ERAP1: variants seen among roughly 807,000 people sequenced by gnomAD.
ERAP1 encodes the protein adipocyte-derived leucine aminopeptidase.
Under a neutral mutation model 103.7 loss-of-function variants are expected in ERAP1, and 86 were observed. That is an observed-to-expected ratio of 0.83 (90% CI 0.70 to 0.99). The LOEUF (loss-of-function observed/expected upper bound fraction) is 0.99, where lower values mean the gene tolerates loss of function less well. Among genes scored for constraint, ERAP1 ranks in the 50% least tolerant of loss-of-function variants. The pLI is 0.00. For missense variants in ERAP1, 1,009 were observed against 1,128.4 expected (o/e 0.89, Z 1.52); for synonymous variants, 398 against 402.4 (o/e 0.99, Z 0.13).
the ERAP1 span, among the ~76,000 whole-genome samples, chr5:96,887,903 A>G: frequency 6.6e-6 from 1 of 152,154 alleles, no homozygotes; most frequent in Non-Finnish European, 1.5e-5. Context: ...AGGCTGGCAG[A>G]TCGCCTGAGG....
intron 15 of ERAP1, 148 bp from the exon 16 acceptor site, chr5:96,782,002 G>T: frequency 1.0e-5 from 7 of 685,076 alleles, no homozygotes; most frequent in Non-Finnish European, 1.7e-5. Context: ...ATTTCCTTCA[G>T]TTACAATTTT....
chr5:96,777,721 A>G (rs1043665151), intron 18 of ERAP1, among the ~76,000 whole-genome samples: 3 of 152,188 alleles, frequency 2.0e-5, no homozygotes, highest in Non-Finnish European at 4.4e-5. Context: ...TAATTTTACT[A>G]ATTGTTCAAA....
At chr5:96,865,592 T>C in the ERAP1 span, among the ~76,000 whole-genome samples, 1 of 152,192 alleles carries the variant, frequency 6.6e-6, no homozygotes, top group Admixed American at 6.5e-5. Context: ...GGAAAATAAA[T>C]ACAATTTCCA....
the ERAP1 span, chr5:96,895,150 C>G: frequency 1.5e-6 from 1 of 659,244 alleles, no homozygotes; most frequent in Non-Finnish European, 2.5e-6. Context: ...GAGATCCTAA[C>G]TAATAAAAAA....
the ERAP1 span, among the ~76,000 whole-genome samples, chr5:96,872,812 T>C: frequency 2.0e-5 from 3 of 152,184 alleles, no homozygotes; most frequent in Non-Finnish European, 2.9e-5. Context: ...AGGTTCAGTT[T>C]ATAATTTTTT....
chr5:96,820,462 A>C, the ERAP1 span, among the ~76,000 whole-genome samples: 1 of 152,190 alleles, frequency 6.6e-6, no homozygotes, highest in East Asian at 1.9e-4. Context: ...TGAAAAAACA[A>C]TATACTTCAG....
At position 96,774,628 on chromosome 5, in the gene ERAP1, A is replaced by ATGT. The variant is rs1773692685; in HGVS notation, c.*1765_*1767dup. On this transcript the variant is annotated 3_prime_UTR_variant, in exon 19 of 19. Transcript: ENST00000443439. ...ACCAAAACTGAAAATCAATATTTCCATGTTTCATTAATCAAGGCATAAAAT... is the reference window on the plus strand; with the variant it reads ...ACCAAAACTGAAAATCAATATTTCCATGTTGTTTCATTAATCAAGGCATAAAAT... The ATGT allele has an allele frequency of 1.0e-6, 1 of 985,334 alleles. No individual in the cohort carries two copies. The highest frequency in any genetic ancestry group is 1.7e-5 in the African/African-American group (1 of 57,256). 61.0% of individuals were successfully genotyped at this position (985,334 alleles called of 1,614,324 possible).
intron 7 of ERAP1, 27 bp from the exon 8 acceptor site, chr5:96,792,219 C>A: frequency 6.2e-7 from 1 of 1,608,008 alleles, no homozygotes; most frequent in South Asian, 1.1e-5. Context: ...AAGAAAACAT[C>A]ACCTATGATT....
chr5:96,904,188 C>G, the ERAP1 span, among the ~76,000 whole-genome samples: 1 of 152,154 alleles, frequency 6.6e-6, no homozygotes, highest in Non-Finnish European at 1.5e-5. Context: ...TCATTCCTCT[C>G]TAGACTTTCC....
the ERAP1 span, chr5:96,900,120 G>T: frequency 6.2e-7 from 1 of 1,613,714 alleles, no homozygotes. Context: ...TTGTTTTGTA[G>T]AGTTGTTTAG....
chr5:96,873,205 A>G, the ERAP1 span: 1 of 380,922 alleles, frequency 2.6e-6, no homozygotes, highest in Non-Finnish European at 5.3e-6. Context: ...AAAATCATGA[A>G]AATTCGTGAA....
the ERAP1 span, among the ~76,000 whole-genome samples, chr5:96,831,192 G>A: frequency 6.6e-6 from 1 of 152,174 alleles, no homozygotes; most frequent in African/African-American, 2.4e-5. Flanking sequence ...TCACAAGTCT[G>A]GAGCAGGAGA....
chr5:96,792,875 A>G (rs1776895578), intron 7 of ERAP1, among the ~76,000 whole-genome samples: 1 of 152,228 alleles, frequency 6.6e-6, no homozygotes, highest in Non-Finnish European at 1.5e-5. Context: ...TTTTTACATA[A>G]GTTTAATTTT....
the ERAP1 span, among the ~76,000 whole-genome samples, chr5:96,872,758 G>A: frequency 2.0e-5 from 3 of 152,084 alleles, no homozygotes; most frequent in African/African-American, 7.3e-5. Context: ...TTGGAGATGA[G>A]GAAGTGAATT....
intron 7 of ERAP1, 36 bp downstream of exon 7, chr5:96,793,364 A>G (rs1320160327): frequency 6.3e-6 from 9 of 1,439,486 alleles, no homozygotes; most frequent in Non-Finnish European, 8.8e-6. Context: ...AAAACAACAA[A>G]TTAACCTCAA....
Position 96,783,090 on chromosome 5 carries a change from C to T in ERAP1, c.2246G>A (p.Gly749Asp), listed in dbSNP as rs758386184. The T allele has an allele frequency of 1.2e-6, 2 of 1,614,222 alleles. No homozygotes were observed. Among genetic ancestry groups the T allele is most frequent in the Non-Finnish European group, 1.7e-6 (2 of 1,180,052 alleles). The change falls in exon 15 of 19, where the codon GGC becomes GAC. Residue 749 changes from glycine to aspartate, a missense_variant. Gly to Asp is a moderately conservative substitution (Grantham distance 94). This residue lies in a region of ERAP1 where 611 missense variants were observed against 651.7 expected (regional missense o/e 0.94). Coordinates refer to ENST00000443439, the MANE Select transcript of ERAP1 (RefSeq NM_001040458.3). ...NYQPCVQRAE[G>D]YFRKWKESNG... is the part of the protein sequence containing the mutation. ...GGATTCCTTCCACTTTCTGAAATAG[C>T]CTTCTGCCCTCTGTACGCACGGCTG...
chr5:96,859,084 C>T, the ERAP1 span, among the ~76,000 whole-genome samples: 1 of 151,796 alleles, frequency 6.6e-6, no homozygotes, highest in Non-Finnish European at 1.5e-5. Context: ...CACACACACA[C>T]ACACACACAC....
At chr5:96,927,253 C>T in the ERAP1 span, among the ~76,000 whole-genome samples, 2 of 152,192 alleles carry the variant, frequency 1.3e-5, no homozygotes, top group Non-Finnish European at 2.9e-5. Context: ...GCAGCTACAC[C>T]ATTTTACATT....
At chr5:96,765,383 G>A (rs1238681452) in intron 19 of ERAP1, 4 of 814,134 alleles carry the variant, frequency 4.9e-6, no homozygotes, top group South Asian at 4.7e-5. Context: ...TAATCCTTGG[G>A]TCTTGACTCT....
Sources: allele counts gnomAD v4.1 joint callset (sites outside exome capture counted in the v4.1 genomes callset), GRCh38; gene constraint gnomAD v4.1.1; regional missense constraint gnomAD v4.1.1; transcripts MANE v1.5; gene names NCBI Gene and HGNC (gene_info 2026-07-23, HGNC 2026-07-21).